KCNMB2: variants seen among roughly 807,000 people sequenced by gnomAD.
The protein encoded by KCNMB2 is calcium-activated potassium channel subunit beta-2.
Under a neutral mutation model 24.5 loss-of-function variants are expected in KCNMB2, and 9 were observed. That is an observed-to-expected ratio of 0.37 (90% confidence interval 0.22 to 0.64). The LOEUF is 0.64. Among genes scored for constraint, KCNMB2 ranks in the 30% least tolerant of loss-of-function variants. The pLI is 0.63. For missense variants in KCNMB2, 226 were observed against 284.3 expected, an observed-to-expected ratio of 0.79 and a Z score of 1.47; for synonymous variants, 109 against 104.4, an observed-to-expected ratio of 1.04 and a Z score of -0.27.
intron 1 of KCNMB2, among the ~76,000 whole-genome samples, chr3:178,552,207 CTG>C (rs1715979346): frequency 1.3e-5 from 2 of 152,156 alleles, no homozygotes; most frequent in African/African-American, 4.8e-5. Flanking sequence ...TAAATGTCGA[CTG>C]TGGAAGAATG....
At chr3:178,601,376 T>G (rs1052017407) in intron 1 of KCNMB2, among the ~76,000 whole-genome samples, 3 of 152,086 alleles carry the variant, frequency 2.0e-5, no homozygotes, top group Admixed American at 6.6e-5. Context: ...ATTTTAAAAA[T>G]GAAGGTGATT....
intron 1 of KCNMB2, among the ~76,000 whole-genome samples, chr3:178,754,163 T>TATATATATAG (rs1553773733): frequency 2.9e-5 from 3 of 102,338 alleles, no homozygotes; most frequent in Admixed American, 9.2e-5. Flanking sequence ...TATATATATA[T>TATATATATAG]ATATATATAT....
At chr3:178,566,793 C>T (rs770594697) in intron 1 of KCNMB2, among the ~76,000 whole-genome samples, 8 of 152,216 alleles carry the variant, frequency 5.3e-5, no homozygotes, top group African/African-American at 1.7e-4. Flanking sequence ...GATACATTTA[C>T]AGTGCACACT....
intron 2 of KCNMB2, among the ~76,000 whole-genome samples, chr3:178,807,881 T>C (rs1714037164): frequency 6.6e-6 from 1 of 151,882 alleles, no homozygotes; most frequent in Non-Finnish European, 1.5e-5. Context: ...ATTTATTAAC[T>C]GAATTAATTT....
At chr3:178,798,151 G>C (rs540278831) in intron 1 of KCNMB2, among the ~76,000 whole-genome samples, 3 of 152,000 alleles carry the variant, frequency 2.0e-5, no homozygotes, top group African/African-American at 7.3e-5. Flanking sequence ...TGATTGCCCC[G>C]GCCAGAACTT....
chr3:178,749,135 T>C (rs1577146936), intron 1 of KCNMB2: 1 of 152,228 alleles, frequency 6.6e-6, no homozygotes, highest in Non-Finnish European at 1.5e-5. Context: ...TCTTTTGTCT[T>C]CACTTAGTTT....
chr3:178,796,553 T>C (rs1335031314), intron 1 of KCNMB2, among the ~76,000 whole-genome samples: 1 of 152,086 alleles, frequency 6.6e-6, no homozygotes, highest in Non-Finnish European at 1.5e-5. Flanking sequence ...ATATCAAATA[T>C]CTTTTCTGAC....
chr3:178,654,479 C>T (rs564593270), intron 1 of KCNMB2, among the ~76,000 whole-genome samples: 2 of 151,926 alleles, frequency 1.3e-5, no homozygotes, highest in East Asian at 1.9e-4. Context: ...ATAGAGCAAA[C>T]CCAAAGAAAT....
chr3:178,565,809 A>G (rs1029991560), intron 1 of KCNMB2, among the ~76,000 whole-genome samples: 1 of 152,190 alleles, frequency 6.6e-6, no homozygotes, highest in Non-Finnish European at 1.5e-5. Context: ...TCCTCACAAT[A>G]TAAATCTCAT....
chr3:178,726,171 A>G (rs1577128982), intron 1 of KCNMB2, among the ~76,000 whole-genome samples: 1 of 152,056 alleles, frequency 6.6e-6, no homozygotes, highest in African/African-American at 2.4e-5. Flanking sequence ...ATATTTTACT[A>G]GTTCAAGTAG....
At chr3:178,658,942 C>T (rs1039983655) in intron 1 of KCNMB2, among the ~76,000 whole-genome samples, 2 of 152,136 alleles carry the variant, frequency 1.3e-5, no homozygotes, top group African/African-American at 4.8e-5. Context: ...AGCTCCCACC[C>T]CATCAGATTA....
intron 1 of KCNMB2, among the ~76,000 whole-genome samples, chr3:178,697,337 G>T (rs911943613): frequency 6.6e-6 from 1 of 152,164 alleles, no homozygotes; most frequent in African/African-American, 2.4e-5. Context: ...TTGTTGAATT[G>T]AACCCTTTAC....
intron 1 of KCNMB2, among the ~76,000 whole-genome samples, chr3:178,558,239 C>T (rs2108461317): frequency 6.6e-6 from 1 of 152,134 alleles, no homozygotes; most frequent in East Asian, 1.9e-4. Context: ...ATTCAGTTGC[C>T]ACACTCAATA....
At chr3:178,659,364 G>A (rs748520854) in intron 1 of KCNMB2, among the ~76,000 whole-genome samples, 15 of 152,190 alleles carry the variant, frequency 9.9e-5, no homozygotes, top group Non-Finnish European at 8.8e-5. Flanking sequence ...TATTAATATT[G>A]TGAAGCTGGA....
At chr3:178,540,225 C>T (rs1396463625) in intron 1 of KCNMB2, among the ~76,000 whole-genome samples, 1 of 152,198 alleles carries the variant, frequency 6.6e-6, no homozygotes, top group Non-Finnish European at 1.5e-5. Context: ...CACAGGAAAT[C>T]CTAAGGCCTC....
intron 1 of KCNMB2, among the ~76,000 whole-genome samples, chr3:178,751,067 AT>A (rs1723829737): frequency 2.0e-5 from 3 of 151,624 alleles, no homozygotes; most frequent in Non-Finnish European, 4.4e-5. Flanking sequence ...ACATAACTAA[AT>A]AGTTTGCATT....
At chr3:178,585,772 G>T (rs1442138373) in intron 1 of KCNMB2, among the ~76,000 whole-genome samples, 1 of 152,108 alleles carries the variant, frequency 6.6e-6, no homozygotes, top group African/African-American at 2.4e-5. Context: ...TAGTTTTCTA[G>T]GGCACAGTAG....
intron 1 of KCNMB2, among the ~76,000 whole-genome samples, chr3:178,610,689 G>T (rs1337237696): frequency 1.3e-5 from 2 of 152,122 alleles, no homozygotes; most frequent in African/African-American, 4.8e-5. Context: ...CATCTCATCA[G>T]CAAACAAGAA....
intron 1 of KCNMB2, among the ~76,000 whole-genome samples, chr3:178,599,429 A>G (rs1717998938): frequency 6.6e-6 from 1 of 152,162 alleles, no homozygotes; most frequent in Non-Finnish European, 1.5e-5. Context: ...AAAAAGAAAA[A>G]GTCATCAGGC....
Sources: gnomAD v4.1 joint callset for allele counts (sites outside exome capture counted in the v4.1 genomes callset) on GRCh38, gnomAD v4.1.1 for gene constraint, MANE v1.5 for transcripts, NCBI Gene and HGNC (gene_info 2026-07-23, HGNC 2026-07-21) for gene names.